Variants in WDR7 observed in about 807,000 individuals in gnomAD.
WDR7 encodes the protein WD repeat domain 7.
Under a neutral mutation model 169.4 loss-of-function variants are expected in WDR7, and 46 were observed. The ratio of observed to expected loss-of-function variants is 0.27; its 90% CI spans 0.21 to 0.35. The LOEUF is 0.35. WDR7 is among the 10% of genes least tolerant of loss of function. WDR7 has a pLI of 1.00. For synonymous variants in WDR7, 612 were observed against 666.8 expected (o/e 0.92, Z 1.27); for missense variants, 1,534 against 1,859.3 (o/e 0.83, Z 3.22).
At chr18:57,015,584 C>T (rs961816833) in intron 26 of WDR7, among the ~76,000 whole-genome samples, 10 of 152,176 alleles carry the variant, frequency 6.6e-5, no homozygotes, top group African/African-American at 2.2e-4. Context: ...TGAGCAGTTA[C>T]CTCCCTGCCA....
intron 14 of WDR7, among the ~76,000 whole-genome samples, chr18:56,744,815 A>G (rs1247387360): frequency 6.6e-6 from 1 of 152,190 alleles, no homozygotes; most frequent in African/African-American, 2.4e-5. Flanking sequence ...TTGTGCTCCA[A>G]GAGGCTGAAG....
rs537223714 is a variant in WDR7 at position 56,732,456 on chromosome 18, G to C, written c.1989+859G>C. On this transcript the variant is annotated intron_variant, in intron 14 of 27. Transcript: ENST00000254442. ...TGATTTTCATTTTTTTAAATGGTTAGACATGTGAATAAATAGTAAAGGGGT... is the reference window on the plus strand; with the variant it reads ...TGATTTTCATTTTTTTAAATGGTTACACATGTGAATAAATAGTAAAGGGGT... Among the ~76,000 whole-genome samples the C allele has an allele frequency of 2.6e-5, 4 of 152,160 alleles. No homozygotes were observed. In the South Asian group the frequency reaches 8.3e-4, roughly 32 times the overall value.
intron 21 of WDR7, among the ~76,000 whole-genome samples, chr18:56,898,378 G>A (rs534967495): frequency 8.3e-4 from 126 of 152,146 alleles, no homozygotes; most frequent in African/African-American, 2.9e-3. Flanking sequence ...TTGCAGACAA[G>A]ATTCAGGGGT....
intron 26 of WDR7, among the ~76,000 whole-genome samples, chr18:56,980,293 G>A (rs779791715): frequency 1.3e-5 from 2 of 152,198 alleles, no homozygotes; most frequent in Non-Finnish European, 2.9e-5. Flanking sequence ...AGGGACTGTT[G>A]ATCCCCATCC....
At chr18:56,914,186 C>T (rs1242689788) in intron 21 of WDR7, among the ~76,000 whole-genome samples, 1 of 152,222 alleles carries the variant, frequency 6.6e-6, no homozygotes, top group Non-Finnish European at 1.5e-5. Flanking sequence ...TGCCTCAGGG[C>T]CCTTTGTGCT....
At chr18:56,707,761 A>G (rs184546562) in intron 12 of WDR7, among the ~76,000 whole-genome samples, 11 of 152,290 alleles carry the variant, frequency 7.2e-5, no homozygotes, top group African/African-American at 1.7e-4. Flanking sequence ...TTGCCAGCCC[A>G]TAGTGTTTTG....
chr18:56,966,401 G>A (rs1482988887), intron 26 of WDR7, among the ~76,000 whole-genome samples: 1 of 152,018 alleles, frequency 6.6e-6, no homozygotes, highest in Non-Finnish European at 1.5e-5. Context: ...TCAACATGAA[G>A]TTGAGGAGGA....
At chr18:56,758,790 A>ATTTCT in intron 15 of WDR7, 75 bp from the exon 16 acceptor site, 1 of 1,140,520 alleles carries the variant, frequency 8.8e-7, no homozygotes, top group South Asian at 1.8e-5. Context: ...AGAAGTAGAA[A>ATTTCT]ATTTTTTATT....
At chr18:56,983,045 G>A (rs2047668106) in intron 26 of WDR7, among the ~76,000 whole-genome samples, 1 of 152,164 alleles carries the variant, frequency 6.6e-6, no homozygotes, top group Non-Finnish European at 1.5e-5. Flanking sequence ...AACCAGATTT[G>A]ACAAAGAGGT....
rs117751609 is a variant in WDR7 at position 56,925,089 on chromosome 18, G to A, written c.3713+981G>A. Among the ~76,000 whole-genome samples, 1,512 of 152,332 alleles carry A rather than the reference G, an allele frequency of 9.9e-3. 18 individuals carry two copies. The highest frequency in any genetic ancestry group is 0.015 in the Non-Finnish European group (1,033 of 68,018). On this transcript the variant is annotated intron_variant, in intron 22 of 27. Transcript: ENST00000254442. ...ATGATGTCTTTCAAGGTCCATTCAT[G>A]TTGTGGCATATCATAGTGCTTTGTT...
intron 25 of WDR7, among the ~76,000 whole-genome samples, chr18:56,946,825 A>G (rs2047109980): frequency 6.6e-6 from 1 of 152,212 alleles, no homozygotes; most frequent in Non-Finnish European, 1.5e-5. Context: ...TAAAAAAGAC[A>G]TTTTTTGTAT....
chr18:56,845,568 AT>A (rs1216301062), intron 20 of WDR7, among the ~76,000 whole-genome samples: 1 of 152,138 alleles, frequency 6.6e-6, no homozygotes, highest in Non-Finnish European at 1.5e-5. Flanking sequence ...ATATATTAAA[AT>A]TATGGTTTAA....
intron 22 of WDR7, among the ~76,000 whole-genome samples, chr18:56,924,851 C>T (rs931104380): frequency 6.6e-6 from 1 of 152,158 alleles, no homozygotes; most frequent in African/African-American, 2.4e-5. Flanking sequence ...TAAGTATAAT[C>T]ACAGTGTTGT....
chr18:56,907,685 A>C (rs1207981842), intron 21 of WDR7, among the ~76,000 whole-genome samples: 4 of 152,162 alleles, frequency 2.6e-5, no homozygotes, highest in African/African-American at 9.7e-5. Flanking sequence ...TCTGAAGGCT[A>C]GGAAGTCCAA....
At chr18:56,760,436 T>C (rs2043963775) in intron 16 of WDR7, among the ~76,000 whole-genome samples, 1 of 152,244 alleles carries the variant, frequency 6.6e-6, no homozygotes, top group Non-Finnish European at 1.5e-5. Flanking sequence ...TATATAAATT[T>C]AGTCAATTAA....
At chr18:57,009,843 A>G in intron 26 of WDR7, 1 of 985,432 alleles carries the variant, frequency 1.0e-6, no homozygotes, top group Non-Finnish European at 1.2e-6. Context: ...ACCAGGCACT[A>G]TACCAGGCAA....
chr18:56,903,341 G>A (rs555456454), intron 21 of WDR7, among the ~76,000 whole-genome samples: 1 of 152,222 alleles, frequency 6.6e-6, no homozygotes, highest in African/African-American at 2.4e-5. Flanking sequence ...TGAGAGTTGA[G>A]CTGTGGATAG....
At chr18:56,915,282 G>A (rs1599154157) in intron 21 of WDR7, among the ~76,000 whole-genome samples, 1 of 152,150 alleles carries the variant, frequency 6.6e-6, no homozygotes, top group East Asian at 1.9e-4. Context: ...ATTCTAGATG[G>A]CACTGTGCCA....
intron 14 of WDR7, among the ~76,000 whole-genome samples, chr18:56,737,345 AAAGG>A (rs1401068806): frequency 2.6e-5 from 4 of 152,214 alleles, no homozygotes; most frequent in African/African-American, 7.2e-5. Flanking sequence ...ATCTTGGGCT[AAAGG>A]GATTTTATTA....
Sources: gnomAD v4.1 joint callset for allele counts (sites outside exome capture counted in the v4.1 genomes callset) on GRCh38, gnomAD v4.1.1 for gene constraint, MANE v1.5 for transcripts, NCBI Gene and HGNC (gene_info 2026-07-23, HGNC 2026-07-21) for gene names.